NT5C2: variants seen among roughly 807,000 people sequenced by gnomAD.
NT5C2 encodes the protein cytosolic purine 5'-nucleotidase.
In NT5C2, 58 loss-of-function variants were observed where a neutral mutation model predicts 76.1. That is an observed-to-expected ratio of 0.76 (90% CI 0.62 to 0.95). NT5C2 has a LOEUF of 0.95. Ranked by LOEUF, NT5C2 falls within the 40% of genes least tolerant of loss-of-function variation. The pLI, the probability that NT5C2 is intolerant of heterozygous loss-of-function variation, is 0.00. For synonymous variants in NT5C2, 229 were observed against 237.4 expected, an observed-to-expected ratio of 0.96 and a Z score of 0.32; for missense variants, 478 against 690.3, an observed-to-expected ratio of 0.69 and a Z score of 3.45.
rs1340277706 is a variant in NT5C2 at position 103,139,473 on chromosome 10, A to G, written c.108T>C (p.Phe36=). ...TTTCCATTGCTAAACTTCGGTTCAC[A>G]AACACCCTATAGAAAATAATAAAAA... ...KYRREAYHRV[F]VNRSLAMEKI... is the part of the protein sequence containing the mutation. Residue 36 remains phenylalanine, a synonymous_variant, in exon 4 of 19, where the codon TTT becomes TTC. Coordinates refer to ENST00000404739, the MANE Select transcript of NT5C2 (RefSeq NM_001351169.2). 1 of 1,569,560 alleles carries G rather than the reference A, an allele frequency of 6.4e-7. No individual in the cohort carries two copies. Among genetic ancestry groups the G allele is most frequent in the Non-Finnish European group, 8.7e-7 (1 of 1,152,444 alleles).
At chr10:103,179,164 G>A (rs865789857) in intron 2 of NT5C2, among the ~76,000 whole-genome samples, 1 of 151,418 alleles carries the variant, frequency 6.6e-6, no homozygotes, top group African/African-American at 2.4e-5. Flanking sequence ...GGTCAGGCTG[G>A]TGCCAAACTC....
intron 4 of NT5C2, among the ~76,000 whole-genome samples, chr10:103,110,770 C>T (rs1816195588): frequency 6.6e-6 from 1 of 152,128 alleles, no homozygotes; most frequent in Admixed American, 6.5e-5. Flanking sequence ...ATAATCATTT[C>T]AGCAACACAA....
At chr10:103,116,864 G>A (rs1433546454) in intron 4 of NT5C2, among the ~76,000 whole-genome samples, 5 of 151,754 alleles carry the variant, frequency 3.3e-5, no homozygotes, top group Admixed American at 6.6e-5. Flanking sequence ...CATGAAACAC[G>A]ATGCCCAGCC....
At position 103,120,260 on chromosome 10, in the gene NT5C2, G is replaced by A. The variant is rs1377944743; in HGVS notation, c.176-13554C>T. Among the ~76,000 whole-genome samples the A allele has an allele frequency of 2.6e-5, 4 of 152,032 alleles. No homozygotes were observed. In the East Asian group the frequency reaches 7.7e-4, roughly 29 times the overall value. ...CACAGCTATGACAGCAAAAAGCACT[G>A]GCAACAAAAGAAAAAAACAGATAAA... On this transcript the variant is annotated intron_variant, in intron 4 of 18. Coordinates refer to ENST00000404739, the MANE Select transcript of NT5C2 (RefSeq NM_001351169.2).
chr10:103,133,345 G>A (rs2078593053), intron 4 of NT5C2, among the ~76,000 whole-genome samples: 1 of 151,882 alleles, frequency 6.6e-6, no homozygotes, highest in South Asian at 2.1e-4. Context: ...TCAGCTCACC[G>A]CAATCTCCAC....
rs760289215 is a variant in NT5C2, at chr10:103,101,367, CATT to C, written c.390-44_390-42del. On this transcript the variant is annotated intron_variant, in intron 6 of 18. Coordinates refer to ENST00000404739, the MANE Select transcript of NT5C2 (RefSeq NM_001351169.2). The stretch of plus-strand genomic sequence containing the variant: ...AAAAATTAACTGATTTTTAAAATAA[CATT>C]ATAATAATTGGGAAATAGCATTATT... 126 of 1,114,864 alleles carry C rather than the reference CATT, an allele frequency of 1.1e-4. 1 individual carries two copies. The highest frequency in any genetic ancestry group is 1.1e-4 in the Non-Finnish European group (86 of 752,990). The allele number at this position is 1,114,864 out of a possible 1,614,324, so 69.1% of individuals were successfully genotyped here. A position where few individuals can be genotyped will look rare whatever the true frequency, so the allele number is the denominator to read the frequency against.
chr10:103,163,871 C>CAA (rs772272272), intron 3 of NT5C2, among the ~76,000 whole-genome samples: 3 of 59,196 alleles, frequency 5.1e-5, no homozygotes, highest in South Asian at 1.1e-3. Flanking sequence ...AAAAAAAAAA[C>CAA]AAAAAAAAAA....
At chr10:103,091,991 G>GAA (rs1321322937) in intron 15 of NT5C2, among the ~76,000 whole-genome samples, 1 of 152,200 alleles carries the variant, frequency 6.6e-6, no homozygotes, top group Non-Finnish European at 1.5e-5. Flanking sequence ...TGAGAATCAG[G>GAA]TGACTTTTCC....
intron 12 of NT5C2, among the ~76,000 whole-genome samples, chr10:103,095,617 T>C (rs183054199): frequency 6.6e-6 from 1 of 152,360 alleles, no homozygotes; most frequent in Admixed American, 6.5e-5. Flanking sequence ...TGAAAATTCC[T>C]TTCATTGCCA....
intron 3 of NT5C2, among the ~76,000 whole-genome samples, chr10:103,165,066 A>C (rs1158597984): frequency 6.6e-6 from 1 of 152,230 alleles, no homozygotes; most frequent in Non-Finnish European, 1.5e-5. Flanking sequence ...ATGTGACGTA[A>C]GAAAAGGTGT....
chr10:103,099,958 C>T lies in NT5C2; in HGVS notation c.601G>A (p.Val201Ile). ...FMSYRSMFQDVRDAVDWVHYK... is the reference protein window; with the variant it reads ...FMSYRSMFQDIRDAVDWVHYK... ...TGAACCCAGTCAACAGCATCTCTTA[C>T]ATCCTGGAACATACTCCGGTAGGAC... The change falls in exon 9 of 19, where the codon GTA (valine) becomes ATA (isoleucine). Residue 201 changes from valine to isoleucine, a missense_variant. Transcript: ENST00000404739. 6.2e-7 allele frequency: 1 copy of T among 1,612,754 alleles called. No homozygotes were observed. The highest frequency in any genetic ancestry group is 8.5e-7 in the Non-Finnish European group (1 of 1,178,938).
chr10:103,185,959 A>C (rs765178308), intron 1 of NT5C2, among the ~76,000 whole-genome samples: 6 of 152,204 alleles, frequency 3.9e-5, no homozygotes, highest in South Asian at 2.1e-4. Context: ...ACATTTATTG[A>C]GTACTTACTA....
At chr10:103,156,354 T>G (rs950301756) in intron 3 of NT5C2, among the ~76,000 whole-genome samples, 1 of 152,164 alleles carries the variant, frequency 6.6e-6, no homozygotes, top group Non-Finnish European at 1.5e-5. Flanking sequence ...ACACTAAAAT[T>G]TGAGCATGGT....
At chr10:103,158,200 A>T (rs1455221122) in intron 3 of NT5C2, among the ~76,000 whole-genome samples, 1 of 152,188 alleles carries the variant, frequency 6.6e-6, no homozygotes, top group Non-Finnish European at 1.5e-5. Flanking sequence ...AAAAGGACAT[A>T]ACAAAATCAT....
chr10:103,148,393 G>T (rs1038804373), intron 3 of NT5C2, among the ~76,000 whole-genome samples: 2 of 152,138 alleles, frequency 1.3e-5, no homozygotes, highest in Non-Finnish European at 2.9e-5. Context: ...ACGAGGTCAG[G>T]AGATTGAGAC....
At chr10:103,151,477 A>G (rs866079422) in intron 3 of NT5C2, among the ~76,000 whole-genome samples, 1 of 151,746 alleles carries the variant, frequency 6.6e-6, no homozygotes, top group Non-Finnish European at 1.5e-5. Context: ...AAAAAAAAAA[A>G]AACACTAGCC....
chr10:103,092,386 C>T (rs1054965556), intron 15 of NT5C2, among the ~76,000 whole-genome samples: 6 of 152,206 alleles, frequency 3.9e-5, no homozygotes, highest in Non-Finnish European at 5.9e-5. Flanking sequence ...ATATTACCTC[C>T]GTTTTTCATC....
intron 4 of NT5C2, among the ~76,000 whole-genome samples, chr10:103,128,999 G>T (rs1256589850): frequency 1.1e-4 from 12 of 108,906 alleles, no homozygotes; most frequent in East Asian, 3.7e-4. Flanking sequence ...CCCCCGCCCG[G>T]CCAGCCGCCC....
chr10:103,146,509 C>A, intron 3 of NT5C2: 1 of 831,698 alleles, frequency 1.2e-6, no homozygotes, highest in African/African-American at 1.8e-5. Context: ...TTTGAGAGGG[C>A]AAATTGAAAT....
Sources: gnomAD v4.1 joint callset for allele counts (sites outside exome capture counted in the v4.1 genomes callset) on GRCh38, gnomAD v4.1.1 for gene constraint, MANE v1.5 for transcripts, NCBI Gene and HGNC (gene_info 2026-07-23, HGNC 2026-07-21) for gene names.